The following DRD3 variants were observed in gnomAD, a reference collection of about 807,000 sequenced individuals.
The protein encoded by DRD3 is D(3) dopamine receptor.
In DRD3, 19 loss-of-function variants were observed where a neutral mutation model predicts 36.3. That is an observed-to-expected ratio of 0.52 (90% CI 0.36 to 0.77). The LOEUF is 0.77. Among genes scored for constraint, DRD3 ranks in the 30% least tolerant of loss-of-function variants. The probability of loss-of-function intolerance (pLI) is 0.00; values close to 1 mark genes in which losing one functional copy is unlikely to be tolerated. For missense variants in DRD3, 465 were observed against 505.3 expected (o/e 0.92, Z 0.77); for synonymous variants, 195 against 203.7 (o/e 0.96, Z 0.36).
At chr3:114,172,999 A>G (rs1243737503) in intron 1 of DRD3, among the ~76,000 whole-genome samples, 1 of 152,018 alleles carries the variant, frequency 6.6e-6, no homozygotes, top group Admixed American at 6.5e-5. Context: ...TCATATGTAG[A>G]AATCCTAATT....
chr3:114,137,174 G>A (rs988496818), intron 5 of DRD3, among the ~76,000 whole-genome samples: 2 of 152,212 alleles, frequency 1.3e-5, no homozygotes, highest in Middle Eastern at 3.2e-3. Flanking sequence ...GTAGAATCAA[G>A]ATAAGCCAGT....
At chr3:114,187,050 A>G (rs972023214) in intron 1 of DRD3, among the ~76,000 whole-genome samples, 2 of 152,216 alleles carry the variant, frequency 1.3e-5, no homozygotes, top group Non-Finnish European at 2.9e-5. Flanking sequence ...ACATGTTTCA[A>G]CTGTTTTATT....
At chr3:114,173,053 T>C (rs917124162) in intron 1 of DRD3, among the ~76,000 whole-genome samples, 13 of 151,888 alleles carry the variant, frequency 8.6e-5, no homozygotes, top group Non-Finnish European at 1.6e-4. Context: ...TGAGAGGTGA[T>C]TAGGTTATGA....
At chr3:114,161,438 C>T (rs2077732219) in intron 2 of DRD3, among the ~76,000 whole-genome samples, 1 of 152,246 alleles carries the variant, frequency 6.6e-6, no homozygotes. Flanking sequence ...AAAAGGCCGT[C>T]TTTCCTTCCC....
intron 4 of DRD3, 29 bp downstream of exon 4, chr3:114,147,386 G>T: frequency 6.2e-7 from 1 of 1,603,132 alleles, no homozygotes; most frequent in Non-Finnish European, 8.5e-7. Flanking sequence ...GAATCACATG[G>T]ATGCTAGAAA....
At position 114,147,566 on chromosome 3, in the gene DRD3, G is replaced by A; in HGVS notation, c.384-9C>T. ...TGACCACTGCAGTGTACCTGAAAAA[G>A]CAAGGGGAGAGGGGATAGGCATGGT... On this transcript the variant is annotated splice_polypyrimidine_tract_variant and intron_variant, in intron 3 of 6. Coordinates refer to ENST00000383673, the MANE Select transcript of DRD3 (RefSeq NM_000796.6). The A allele has an allele frequency of 6.2e-7, 1 of 1,605,048 alleles. No homozygotes were observed. The highest frequency in any genetic ancestry group is 8.5e-7 in the Non-Finnish European group (1 of 1,172,480).
intron 1 of DRD3, among the ~76,000 whole-genome samples, chr3:114,186,268 C>T (rs79431774): frequency 0.076 from 11,505 of 152,214 alleles, 485 homozygotes; most frequent in Middle Eastern, 0.13. Flanking sequence ...GCTGGGATTA[C>T]AGGCATGTGC....
chr3:114,190,088 A>G (rs896291364), intron 1 of DRD3, among the ~76,000 whole-genome samples: 1 of 152,006 alleles, frequency 6.6e-6, no homozygotes, highest in Non-Finnish European at 1.5e-5. Context: ...TCACTCATAA[A>G]AACATAATTT....
At chr3:114,133,148 G>A (rs986948523) in intron 5 of DRD3, among the ~76,000 whole-genome samples, 8 of 152,030 alleles carry the variant, frequency 5.3e-5, no homozygotes, top group African/African-American at 9.6e-5. Flanking sequence ...GTGCCACCAC[G>A]CCTGCCTAAT....
chr3:114,175,624 A>G (rs570200061), intron 1 of DRD3, among the ~76,000 whole-genome samples: 1 of 152,334 alleles, frequency 6.6e-6, no homozygotes, highest in South Asian at 2.1e-4. Flanking sequence ...TTCTGCTATA[A>G]AGGATCTAAG....
chr3:114,169,367 TGAAGCAAA>T (rs2077817394), intron 2 of DRD3, among the ~76,000 whole-genome samples: 2 of 149,512 alleles, frequency 1.3e-5, no homozygotes, highest in African/African-American at 2.5e-5. Context: ...GACTGGGTCT[TGAAGCAAA>T]TTGGTAAGAC....
chr3:114,155,344 C>T (rs1329616932), intron 3 of DRD3, among the ~76,000 whole-genome samples: 1 of 152,030 alleles, frequency 6.6e-6, no homozygotes, highest in Non-Finnish European at 1.5e-5. Context: ...TTCATTGGCC[C>T]ATATAGAACT....
intron 2 of DRD3, among the ~76,000 whole-genome samples, chr3:114,161,205 C>T (rs1427803954): frequency 6.6e-6 from 1 of 152,150 alleles, no homozygotes; most frequent in Non-Finnish European, 1.5e-5. Context: ...ATTCACAATA[C>T]CGCTCCTGAA....
At chr3:114,190,674 T>G (rs1444326958) in intron 1 of DRD3, among the ~76,000 whole-genome samples, 1 of 122,522 alleles carries the variant, frequency 8.2e-6, no homozygotes, top group African/African-American at 3.1e-5. Flanking sequence ...CATTTAAAAA[T>G]TTATTCAACA....
intron 2 of DRD3, among the ~76,000 whole-genome samples, chr3:114,169,314 T>C (rs1348545185): frequency 1.3e-5 from 2 of 150,292 alleles, no homozygotes; most frequent in Non-Finnish European, 3.0e-5. Context: ...CTTCACTGGC[T>C]TTAGGGCCTC....
chr3:114,178,437 T>A (rs534544053), intron 1 of DRD3, among the ~76,000 whole-genome samples: 1 of 152,216 alleles, frequency 6.6e-6, no homozygotes, highest in South Asian at 2.1e-4. Context: ...GGATACAATT[T>A]TGGGGGAAAA....
chr3:114,157,202 C>T (rs1355654938), intron 3 of DRD3, among the ~76,000 whole-genome samples: 1 of 151,870 alleles, frequency 6.6e-6, no homozygotes, highest in Non-Finnish European at 1.5e-5. Context: ...TACAGGCACC[C>T]ACCACCATGT....
intron 1 of DRD3, among the ~76,000 whole-genome samples, chr3:114,192,204 G>A (rs1313777958): frequency 6.6e-6 from 1 of 152,168 alleles, no homozygotes; most frequent in Non-Finnish European, 1.5e-5. Context: ...AAAAATTAGG[G>A]AAGCTGTCAG....
chr3:114,149,246 T>C (rs914841019), intron 3 of DRD3, among the ~76,000 whole-genome samples: 2 of 151,620 alleles, frequency 1.3e-5, no homozygotes, highest in African/African-American at 4.9e-5. Context: ...AGGGAGGAGG[T>C]AAAACTAACA....
Sources: gnomAD v4.1 joint callset for allele counts (sites outside exome capture counted in the v4.1 genomes callset) on GRCh38, gnomAD v4.1.1 for gene constraint, MANE v1.5 for transcripts, NCBI Gene and HGNC (gene_info 2026-07-23, HGNC 2026-07-21) for gene names.